Variants in CLVS1 observed in about 807,000 individuals in gnomAD.
The protein encoded by CLVS1 is clavesin-1.
Under a neutral mutation model 33.1 loss-of-function variants are expected in CLVS1, and 10 were observed. That is an observed-to-expected ratio of 0.30 (90% CI 0.19 to 0.51). CLVS1 has a LOEUF of 0.51. Among genes scored for constraint, CLVS1 ranks in the 20% least tolerant of loss-of-function variants. The probability of loss-of-function intolerance (pLI) is 0.97; values close to 1 mark genes in which losing one functional copy is unlikely to be tolerated. For missense variants in CLVS1, 343 were observed against 433.4 expected, an observed-to-expected ratio of 0.79 and a Z score of 1.85; for synonymous variants, 163 against 166.1, an observed-to-expected ratio of 0.98 and a Z score of 0.14.
At chr8:61,458,836 G>T (rs776579828) in intron 5 of CLVS1, among the ~76,000 whole-genome samples, 4 of 152,104 alleles carry the variant, frequency 2.6e-5, no homozygotes, top group African/African-American at 7.2e-5. Flanking sequence ...AGAATAAAAT[G>T]TTGGACCTTT....
chr8:61,098,303 C>T (rs1805389949), intron 1 of CLVS1, among the ~76,000 whole-genome samples: 2 of 151,806 alleles, frequency 1.3e-5, no homozygotes, highest in African/African-American at 4.8e-5. Flanking sequence ...GTTAATGGAA[C>T]TATGCATTTA....
chr8:61,326,773 A>G (rs543101699), intron 2 of CLVS1, among the ~76,000 whole-genome samples: 58 of 152,326 alleles, frequency 3.8e-4, no homozygotes, highest in South Asian at 2.5e-3. Flanking sequence ...ATTGAAGTGA[A>G]GGAGAACAAA....
At chr8:61,073,311 G>A (rs1356584176) in intron 1 of CLVS1, among the ~76,000 whole-genome samples, 2 of 152,202 alleles carry the variant, frequency 1.3e-5, no homozygotes, top group Admixed American at 6.5e-5. Context: ...GGTGTAAAAT[G>A]TTCGTAGCTT....
chr8:61,328,382 G>A lies in CLVS1; in HGVS notation c.455+28100G>A, dbSNP rs191050258. Among the ~76,000 whole-genome samples, 271 of 152,280 alleles carry A rather than the reference G, an allele frequency of 1.8e-3. 4 individuals carry two copies. The highest frequency in any genetic ancestry group is 2.1e-3 in the Non-Finnish European group (144 of 68,018). On this transcript the variant is annotated intron_variant, in intron 2 of 5. Coordinates refer to ENST00000325897, the MANE Select transcript of CLVS1 (RefSeq NM_173519.3). Reference sequence around the variant, plus strand: ...GTTTTGTGGCTTAGGTGGAGCTTGAGCTTGAATTGAAAGGTGAGGGTCAAC... The same window carrying A: ...GTTTTGTGGCTTAGGTGGAGCTTGAACTTGAATTGAAAGGTGAGGGTCAAC...
intron 2 of CLVS1, among the ~76,000 whole-genome samples, chr8:61,147,040 C>A (rs1345699235): frequency 6.6e-6 from 1 of 152,138 alleles, no homozygotes; most frequent in African/African-American, 2.4e-5. Context: ...CAGATCAGGG[C>A]AATAGCAACC....
chr8:61,238,649 C>G (rs769490080), intron 2 of CLVS1, among the ~76,000 whole-genome samples: 13 of 152,220 alleles, frequency 8.5e-5, no homozygotes, highest in Non-Finnish European at 7.3e-5. Context: ...AACAATTACA[C>G]TCTGCCAATT....
chr8:61,433,989 C>A (rs1415450395), intron 3 of CLVS1, among the ~76,000 whole-genome samples: 2 of 151,090 alleles, frequency 1.3e-5, no homozygotes, highest in Non-Finnish European at 2.9e-5. Context: ...GCCTTCCAGG[C>A]AAAGCGAGAG....
At chr8:61,081,514 T>A (rs1805019735) in intron 1 of CLVS1, among the ~76,000 whole-genome samples, 1 of 152,048 alleles carries the variant, frequency 6.6e-6, no homozygotes, top group Admixed American at 6.6e-5. Context: ...GCTGCAGGAT[T>A]TTTCTCCTGG....
intron 2 of CLVS1, among the ~76,000 whole-genome samples, chr8:61,210,262 A>T (rs1313930376): frequency 6.6e-6 from 1 of 152,172 alleles, no homozygotes; most frequent in Non-Finnish European, 1.5e-5. Context: ...GTACTCTCCT[A>T]TTTCTCCCAC....
chr8:61,356,103 A>G (rs995920735), intron 2 of CLVS1, among the ~76,000 whole-genome samples: 43 of 152,016 alleles, frequency 2.8e-4, no homozygotes, highest in Admixed American at 2.2e-3. Context: ...AACGATTGCC[A>G]TTCTAACTGG....
chr8:61,272,605 A>G (rs1369417962), intron 2 of CLVS1, among the ~76,000 whole-genome samples: 6 of 152,120 alleles, frequency 3.9e-5, no homozygotes, highest in Admixed American at 3.9e-4. Flanking sequence ...ACTTGGTTCC[A>G]TTCTCCCCAT....
intron 2 of CLVS1, among the ~76,000 whole-genome samples, chr8:61,273,562 G>T (rs532229878): frequency 6.6e-6 from 1 of 152,176 alleles, no homozygotes; most frequent in Admixed American, 6.5e-5. Flanking sequence ...AATCAAGCCC[G>T]GGCAATGGCG....
chr8:61,332,956 C>G (rs536745509), intron 2 of CLVS1, among the ~76,000 whole-genome samples: 4 of 152,328 alleles, frequency 2.6e-5, no homozygotes, highest in African/African-American at 9.6e-5. Context: ...GCTTCATCTT[C>G]CATCTTCATG....
intron 3 of CLVS1, among the ~76,000 whole-genome samples, chr8:61,424,129 T>G (rs570073400): frequency 2.0e-5 from 3 of 152,326 alleles, no homozygotes; most frequent in East Asian, 1.9e-4. Context: ...GTTCACTCAT[T>G]AGCTCCTGTA....
chr8:61,182,227 C>T (rs1807252658), intron 2 of CLVS1, among the ~76,000 whole-genome samples: 1 of 151,932 alleles, frequency 6.6e-6, no homozygotes, highest in Admixed American at 6.6e-5. Context: ...CCATAAAAAC[C>T]CTAGAAGAAA....
At chr8:61,223,096 A>C (rs1252662633) in intron 2 of CLVS1, among the ~76,000 whole-genome samples, 2 of 151,964 alleles carry the variant, frequency 1.3e-5, no homozygotes, top group Non-Finnish European at 2.9e-5. Context: ...GGGCCTCCTG[A>C]ATACAGCACA....
At chr8:61,481,750 C>G (rs962916155) in intron 5 of CLVS1, among the ~76,000 whole-genome samples, 2 of 152,262 alleles carry the variant, frequency 1.3e-5, no homozygotes, top group Non-Finnish European at 2.9e-5. Flanking sequence ...CTGCCTCCCT[C>G]TGTAGATTCC....
In CLVS1 at chr8:61,499,757, G is replaced by T; in HGVS notation, c.*215G>T. 2 of 385,638 alleles carry T rather than the reference G, an allele frequency of 5.2e-6. No homozygotes were observed. The highest frequency in any genetic ancestry group is 9.4e-6 in the Non-Finnish European group (2 of 211,812). 23.9% of individuals were successfully genotyped at this position (385,638 alleles called of 1,614,324 possible). A position where few individuals can be genotyped will look rare whatever the true frequency, so the allele number is the denominator to read the frequency against. On this transcript the variant is annotated 3_prime_UTR_variant, in exon 6 of 6. Transcript: ENST00000325897. Reference sequence around the variant, plus strand: ...ATGCTTTTTTTTTCCCCCAGTGAGGGGACTGGAGGATGATGCAAGGCATTT... The same window carrying T: ...ATGCTTTTTTTTTCCCCCAGTGAGGTGACTGGAGGATGATGCAAGGCATTT...
At chr8:61,253,077 T>A (rs1808987232) in intron 2 of CLVS1, among the ~76,000 whole-genome samples, 1 of 152,210 alleles carries the variant, frequency 6.6e-6, no homozygotes, top group Non-Finnish European at 1.5e-5. Context: ...CCTTTCCATG[T>A]TTAGTGCTTC....
Sources: allele counts gnomAD v4.1 joint callset (sites outside exome capture counted in the v4.1 genomes callset), GRCh38; gene constraint gnomAD v4.1.1; transcripts MANE v1.5; gene names NCBI Gene and HGNC (gene_info 2026-07-23, HGNC 2026-07-21).